Variants in SYT1 observed in about 807,000 individuals in gnomAD.
SYT1 encodes the protein synaptotagmin 1, also known as synaptotagmin-1.
SYT1 carries 8 observed loss-of-function variants against 44.8 expected under a neutral mutation model. The ratio of observed to expected loss-of-function variants is 0.18; its 90% CI spans 0.10 to 0.32. The LOEUF (loss-of-function observed/expected upper bound fraction) is 0.32, where lower values mean the gene tolerates loss of function less well. SYT1 is among the 10% of genes least tolerant of loss of function. The probability of loss-of-function intolerance (pLI) is 1.00; values close to 1 mark genes in which losing one functional copy is unlikely to be tolerated. For synonymous variants in SYT1, 154 were observed against 188.8 expected (o/e 0.82, Z 1.51); for missense variants, 286 against 509.3 (o/e 0.56, Z 4.22).
chr12:79,066,483 A>AT (rs1875864599), intron 3 of SYT1, among the ~76,000 whole-genome samples: 1 of 147,242 alleles, frequency 6.8e-6, no homozygotes, highest in African/African-American at 2.5e-5. Context: ...GGTTTGAAAA[A>AT]AAAAATTAAA....
chr12:79,179,027 GATATATAGATAT>G (rs1872131982), intron 3 of SYT1, among the ~76,000 whole-genome samples: 2 of 2,674 alleles, frequency 7.5e-4, no homozygotes, highest in African/African-American at 2.5e-3. Flanking sequence ...TATAGATATA[GATATATAGATAT>G]AGATATAGAT....
At chr12:79,134,745 C>T (rs1323682041) in intron 3 of SYT1, among the ~76,000 whole-genome samples, 1 of 151,970 alleles carries the variant, frequency 6.6e-6, no homozygotes. Context: ...GTATCAATTC[C>T]ATGCCTAACA....
chr12:79,193,258 T>C (rs929592873), intron 3 of SYT1, among the ~76,000 whole-genome samples: 2 of 152,124 alleles, frequency 1.3e-5, no homozygotes, highest in African/African-American at 4.8e-5. Flanking sequence ...GATGTATAAA[T>C]AATAAATATA....
chr12:79,159,043 A>G (rs1364363848), intron 3 of SYT1, among the ~76,000 whole-genome samples: 2 of 152,196 alleles, frequency 1.3e-5, no homozygotes, highest in Non-Finnish European at 2.9e-5. Context: ...AGTATGTCAG[A>G]GAAATGAAGA....
intron 3 of SYT1, among the ~76,000 whole-genome samples, chr12:79,090,954 G>C (rs891696701): frequency 2.0e-5 from 3 of 151,916 alleles, no homozygotes; most frequent in African/African-American, 7.2e-5. Flanking sequence ...CTTTTCCTGT[G>C]AGTTAATCTT....
At chr12:79,278,604 A>G (rs180730670) in intron 4 of SYT1, among the ~76,000 whole-genome samples, 12 of 152,182 alleles carry the variant, frequency 7.9e-5, no homozygotes, top group Admixed American at 4.6e-4. Context: ...GCCTCAAGGA[A>G]CTAGAAAAAC....
At chr12:78,933,322 C>T (rs1877858934) in intron 1 of SYT1, among the ~76,000 whole-genome samples, 1 of 151,852 alleles carries the variant, frequency 6.6e-6, no homozygotes, top group Admixed American at 6.6e-5. Context: ...GAAACTCTTA[C>T]CAGAGGAAGG....
chr12:79,060,248 A>AAT lies in SYT1; in HGVS notation c.-18+12886_-18+12887insAT, dbSNP rs2137838200. Among the ~76,000 whole-genome samples, 5 of 152,118 alleles carry AAT rather than the reference A, an allele frequency of 3.3e-5. No individual in the cohort carries two copies. The East Asian group carries it at 7.8e-4, about 24-fold the overall frequency. On this transcript the variant is annotated intron_variant, in intron 3 of 10. Coordinates refer to ENST00000261205, the MANE Select transcript of SYT1 (RefSeq NM_005639.3). Reference sequence around the variant, plus strand: ...TTATCCACGTCCCCAAACAAAACCTACGTCCCTGTAACAAAAAGCTTTTAT... The same window carrying AAT: ...TTATCCACGTCCCCAAACAAAACCTAATCGTCCCTGTAACAAAAAGCTTTTAT...
chr12:78,925,425 GTTCCC>G (rs1877247853), intron 1 of SYT1, among the ~76,000 whole-genome samples: 1 of 151,852 alleles, frequency 6.6e-6, no homozygotes, highest in East Asian at 1.9e-4. Flanking sequence ...GTTAACTGAG[GTTCCC>G]CCTAAGCTGT....
chr12:79,229,033 G>A (rs1270206061), intron 4 of SYT1, among the ~76,000 whole-genome samples: 1 of 152,188 alleles, frequency 6.6e-6, no homozygotes, highest in African/African-American at 2.4e-5. Flanking sequence ...CTTTCTCACT[G>A]AAATGTAAAT....
intron 1 of SYT1, among the ~76,000 whole-genome samples, chr12:78,930,315 T>A (rs2137198688): frequency 6.6e-6 from 1 of 151,354 alleles, no homozygotes; most frequent in South Asian, 2.1e-4. Context: ...AATAAACCAA[T>A]AGAAAAAGAA....
At chr12:79,144,598 A>G (rs1003909969) in intron 3 of SYT1, among the ~76,000 whole-genome samples, 2 of 152,206 alleles carry the variant, frequency 1.3e-5, no homozygotes, top group Non-Finnish European at 2.9e-5. Context: ...GGCTCTTGCA[A>G]CAAGACCCAT....
chr12:79,194,453 GTTATTATTA>G (rs3065428), intron 3 of SYT1, among the ~76,000 whole-genome samples: 3 of 148,628 alleles, frequency 2.0e-5, no homozygotes, highest in Non-Finnish European at 4.5e-5. Flanking sequence ...TAATAATTTT[GTTATTATTA>G]TTATTATTAT....
intron 3 of SYT1, among the ~76,000 whole-genome samples, chr12:79,201,222 C>A (rs963693336): frequency 6.6e-6 from 1 of 152,094 alleles, no homozygotes; most frequent in African/African-American, 2.4e-5. Flanking sequence ...CCTTGACTAC[C>A]TCTAAGTGTC....
intron 3 of SYT1, among the ~76,000 whole-genome samples, chr12:79,122,192 A>G (rs1354310939): frequency 6.6e-6 from 1 of 152,232 alleles, no homozygotes; most frequent in East Asian, 1.9e-4. Flanking sequence ...GAAAAATATG[A>G]AATTCCTTTG....
At chr12:79,440,330 A>G (rs1870338076) in intron 9 of SYT1, among the ~76,000 whole-genome samples, 1 of 152,226 alleles carries the variant, frequency 6.6e-6, no homozygotes, top group African/African-American at 2.4e-5. Flanking sequence ...TCTAAATGAC[A>G]TTGAAGACGG....
intron 9 of SYT1, among the ~76,000 whole-genome samples, chr12:79,354,207 G>A (rs1191614989): frequency 1.3e-5 from 2 of 152,124 alleles, no homozygotes; most frequent in African/African-American, 4.8e-5. Context: ...AAAACGTGGT[G>A]GATAAAGTAT....
intron 4 of SYT1, among the ~76,000 whole-genome samples, chr12:79,253,361 T>C (rs1458490818): frequency 6.6e-6 from 1 of 152,100 alleles, no homozygotes. Flanking sequence ...GTTATGGTGA[T>C]CGGTGATCTT....
chr12:79,331,682 A>T (rs1881862202), intron 8 of SYT1, among the ~76,000 whole-genome samples: 1 of 152,164 alleles, frequency 6.6e-6, no homozygotes, highest in African/African-American at 2.4e-5. Flanking sequence ...TTTCCTGGAC[A>T]TCTACAAACT....
Sources: allele counts gnomAD v4.1 joint callset (sites outside exome capture counted in the v4.1 genomes callset), GRCh38; gene constraint gnomAD v4.1.1; transcripts MANE v1.5; gene names NCBI Gene and HGNC (gene_info 2026-07-23, HGNC 2026-07-21).